Variants in UPK3B observed in about 807,000 individuals in gnomAD.
UPK3B encodes the protein uroplakin-3b.
A neutral mutation model predicts 27.6 loss-of-function variants in UPK3B; 21 were observed. That is an observed-to-expected ratio of 0.76 (90% CI 0.54 to 1.10). The LOEUF (loss-of-function observed/expected upper bound fraction) is 1.10, where lower values mean the gene tolerates loss of function less well. Among genes scored for constraint, UPK3B ranks in the 50% least tolerant of loss-of-function variants. UPK3B has a pLI of 0.00. For missense variants in UPK3B, 306 were observed against 376.1 expected, an observed-to-expected ratio of 0.81 and a Z score of 1.54; for synonymous variants, 141 against 162.3, an observed-to-expected ratio of 0.87 and a Z score of 1.00.
In UPK3B at chr7:76,515,063, G is replaced by T. The variant is rs771497466; in HGVS notation, c.690G>T (p.Pro230=). 2 of 1,589,558 alleles carry T rather than the reference G, an allele frequency of 1.3e-6. No individual in the cohort carries two copies. The highest frequency in any genetic ancestry group is 1.8e-5 in the Admixed American group (1 of 56,032). The part of the protein sequence containing the change: ...STMRFSSLWW[P]EEAPEQLRIG... ...CGCCCAGCTCCAGCCTGTGGTGGCC[G>T]GAGGAGGCCCCGGAGCAGCTGCGGA... The change falls in exon 6 of 6, where the codon CCG becomes CCT. Residue 230 remains proline (P), a synonymous_variant. Coordinates refer to ENST00000334348, the MANE Select transcript of UPK3B (RefSeq NM_001347684.2).
At chr7:76,513,841 A>G (rs1298423666) in intron 4 of UPK3B, 106 bp from the exon 5 acceptor site, 63 of 1,554,582 alleles carry the variant, frequency 4.1e-5, no homozygotes, top group Non-Finnish European at 5.2e-5. Flanking sequence ...TGAGACAGCC[A>G]GACCTTGAAG....
Position 76,511,153 on chromosome 7 carries a change from T to A in UPK3B, c.235+101T>A. The A allele has an allele frequency of 1.2e-5, 16 of 1,297,520 alleles. 1 individual carries two copies. In the South Asian group the frequency reaches 2.5e-4, roughly 20 times the overall value. 80.4% of individuals were successfully genotyped at this position (1,297,520 alleles called of 1,614,324 possible). ...CAAGCGCCTTCAATGATTGAGCCCC[T>A]GTGGGGGCCTTTGGGAGAGTAGGTG... On this transcript the variant is annotated intron_variant, in intron 2 of 5. Transcript: ENST00000334348.
Position 76,515,234 on chromosome 7 carries a change from A to C in UPK3B, c.*30A>C, listed in dbSNP as rs1812696389. On this transcript the variant is annotated 3_prime_UTR_variant, in exon 6 of 6. Transcript: ENST00000334348. ...GCCTCTTTGCATGGGGCTGGGGGAG[A>C]TGGGGCGCTGGGAGTGAGTGCATGG... 1 of 1,583,854 alleles carries C rather than the reference A, an allele frequency of 6.3e-7. No homozygotes were observed. The highest frequency in any genetic ancestry group is 1.8e-5 in the Admixed American group (1 of 55,830).
chr7:76,514,058 C>A lies in UPK3B; in HGVS notation c.653C>A (p.Ala218Glu). ...LAGLLLLAFL[A>E]ASTMRFSSLW... ...GGCCTCCTACTCTTGGCCTTCTTGG[C>A]AGCCTCTACCATGCGCTTGTGAGTG... The change falls in exon 5 of 6, where the codon GCA (alanine) becomes GAA (glutamate). Residue 218 changes from alanine (A) to glutamate (E), a missense_variant. Physicochemically the swap from Ala to Glu is moderately radical, Grantham distance 107. Around this residue, in one of 4 missense-constraint regions of UPK3B, gnomAD observed 174 missense variants for 166.6 expected, o/e 1.04. Transcript: ENST00000334348. 1.9e-6 allele frequency: 3 copies of A among 1,614,058 alleles called. 1 individual carries two copies. In the South Asian group the frequency reaches 3.3e-5, roughly 18 times the overall value.
chr7:76,510,885 T>G lies in UPK3B; in HGVS notation c.86-18T>G, dbSNP rs1432174681. 1 of 1,595,146 alleles carries G rather than the reference T, an allele frequency of 6.3e-7. No homozygotes were observed. Among genetic ancestry groups the G allele is most frequent in the East Asian group, 2.3e-5 (1 of 43,414 alleles). ...ACGCCCGTCTCCGTGGCTCACCTTT[T>G]GTCCCCCGTGGCCACAGAGCTGGTG... On this transcript the variant is annotated intron_variant, in intron 1 of 5. Transcript: ENST00000334348.
intron 4 of UPK3B, 76 bp downstream of exon 4, chr7:76,513,239 A>C: frequency 7.2e-7 from 1 of 1,379,978 alleles, no homozygotes; most frequent in African/African-American, 1.4e-5. Context: ...AGCTGGCCAC[A>C]CCCCTGCTCC....
In UPK3B at chr7:76,516,464, G is replaced by A; in HGVS notation, c.*1260G>A. Reference sequence around the variant, plus strand: ...CAGGCCCTGCCAGCGGAGGGAGCCCGGTGGTGACCCTTGGTCTGCAGCCCT... The same window carrying A: ...CAGGCCCTGCCAGCGGAGGGAGCCCAGTGGTGACCCTTGGTCTGCAGCCCT... On this transcript the variant is annotated 3_prime_UTR_variant, in exon 6 of 6. Coordinates refer to ENST00000334348, the MANE Select transcript of UPK3B (RefSeq NM_001347684.2). The A allele has an allele frequency of 4.9e-6, 3 of 611,924 alleles. 1 individual carries two copies. The highest frequency in any genetic ancestry group is 5.7e-6 in the Non-Finnish European group (3 of 529,920). The allele number at this position is 611,924 out of a possible 1,614,324, so 37.9% of individuals were successfully genotyped here.
rs117509972 is a variant in UPK3B, at chr7:76,510,706, G to A, written c.54G>A (p.Ala18=). The A allele has an allele frequency of 6.9e-3, 10,419 of 1,508,056 alleles. 573 individuals carry two copies. In the East Asian group the frequency reaches 0.13, roughly 19 times the overall value. 93.4% of individuals were successfully genotyped at this position (1,508,056 alleles called of 1,614,324 possible). ...TAGGGCTGCAGATGCTCCTCCTGGCGTTGAACTGTCTCCGGCCCAGCCTGA... is the reference window on the plus strand; with the variant it reads ...TAGGGCTGCAGATGCTCCTCCTGGCATTGAACTGTCTCCGGCCCAGCCTGA... ...PHLGLQMLLL[A]LNCLRPSLSL... is the part of the protein sequence containing the mutation. Residue 18 remains alanine, a synonymous_variant, in exon 1 of 6, where the codon GCG becomes GCA. Transcript: ENST00000334348.
rs1041232784 is a variant in UPK3B at position 76,513,984 on chromosome 7, G to A, written c.579G>A (p.Arg193=). The change falls in exon 5 of 6, where the codon CGG becomes CGA. Residue 193 remains arginine (R), a synonymous_variant. Transcript: ENST00000334348. ...TPGSIDTWPG[R]RSGSMIVITS... Reference sequence around the variant, plus strand: ...GATCCATCGACACCTGGCCAGGGCGGCGAAGTGGCAGCATGATCGTCATTA... The same window carrying A: ...GATCCATCGACACCTGGCCAGGGCGACGAAGTGGCAGCATGATCGTCATTA... 2.5e-6 allele frequency: 4 copies of A among 1,613,864 alleles called. No homozygotes were observed. The African/African-American group carries it at 5.3e-5, about 22-fold the overall frequency.
chr7:76,513,941 G>A lies in UPK3B; in HGVS notation c.542-6G>A, dbSNP rs773861054. On this transcript the variant is annotated splice_region_variant and splice_polypyrimidine_tract_variant and intron_variant, in intron 4 of 5. Transcript: ENST00000334348. ...CAGCCCCTCTGAGCAGCTGGTGTGTGTGCAGGGAAGACCCCCGGATCCATC... is the reference window on the plus strand; with the variant it reads ...CAGCCCCTCTGAGCAGCTGGTGTGTATGCAGGGAAGACCCCCGGATCCATC... The A allele has an allele frequency of 3.7e-5, 60 of 1,613,506 alleles. No individual in the cohort carries two copies. The highest frequency in any genetic ancestry group is 1.6e-4 in the Middle Eastern group (1 of 6,064).
At chr7:76,513,811 CA>C (rs1182670111) in intron 4 of UPK3B, 135 bp from the exon 5 acceptor site, 10 of 1,338,598 alleles carry the variant, frequency 7.5e-6, no homozygotes, top group South Asian at 2.7e-5. Context: ...GGGGTGGGAT[CA>C]GGGGGGCGCC....
Position 76,516,336 on chromosome 7 carries a change from T to A in UPK3B, c.*1132T>A. 2 of 611,992 alleles carry A rather than the reference T, an allele frequency of 3.3e-6. 1 individual carries two copies. The highest frequency in any genetic ancestry group is 3.8e-6 in the Non-Finnish European group (2 of 529,938). The allele number at this position is 611,992 out of a possible 1,614,324, so 37.9% of individuals were successfully genotyped here. On this transcript the variant is annotated 3_prime_UTR_variant, in exon 6 of 6. Coordinates refer to ENST00000334348, the MANE Select transcript of UPK3B (RefSeq NM_001347684.2). ...GCAGCGGTTTTCTAGATGGAGAAAC[T>A]GAGGCTCAGTGACTTGCCCGCTGCA...
chr7:76,511,311 A>G (rs1325157827), intron 2 of UPK3B, among the ~76,000 whole-genome samples: 1 of 152,066 alleles, frequency 6.6e-6, no homozygotes, highest in Non-Finnish European at 1.5e-5. Context: ...CTTTCTCTGA[A>G]TCCAAGTAGT....
At chr7:76,514,762 C>G (rs1198374601) in intron 5 of UPK3B, among the ~76,000 whole-genome samples, 1 of 151,930 alleles carries the variant, frequency 6.6e-6, no homozygotes, top group Non-Finnish European at 1.5e-5. Flanking sequence ...AAAAATTGTC[C>G]GGGTGTGGTG....
At chr7:76,512,160 C>T (rs561284160) in intron 3 of UPK3B, among the ~76,000 whole-genome samples, 233 of 151,064 alleles carry the variant, frequency 1.5e-3, no homozygotes, top group African/African-American at 5.1e-3. Context: ...GGCCCCTGTC[C>T]CCCACCACGG....
At position 76,515,695 on chromosome 7, in the gene UPK3B, G is replaced by A. The variant is rs1328352203; in HGVS notation, c.*491G>A. On this transcript the variant is annotated 3_prime_UTR_variant, in exon 6 of 6. Transcript: ENST00000334348. ...GGCTGGGCGGGGTGAGGATTCAGAGGCATCTCTACTGCCCCTGGGCACAGC... is the reference window on the plus strand; with the variant it reads ...GGCTGGGCGGGGTGAGGATTCAGAGACATCTCTACTGCCCCTGGGCACAGC... The A allele has an allele frequency of 4.2e-5, 26 of 618,474 alleles. 11 individuals are homozygous for A. Among genetic ancestry groups the A allele is most frequent in the Non-Finnish European group, 4.7e-5 (25 of 534,964 alleles). The allele number at this position is 618,474 out of a possible 1,614,324, so 38.3% of individuals were successfully genotyped here.
chr7:76,510,609 GCAGCCAGAC>G lies in UPK3B; in HGVS notation c.-38_-30del. 1 of 1,419,558 alleles carries G rather than the reference GCAGCCAGAC, an allele frequency of 7.0e-7. No individual in the cohort carries two copies. The highest frequency in any genetic ancestry group is 9.3e-7 in the Non-Finnish European group (1 of 1,079,582). 87.9% of individuals were successfully genotyped at this position (1,419,558 alleles called of 1,614,324 possible). The stretch of plus-strand genomic sequence containing the variant: ...TGTTGGGGGTGAGGTGCAGCCCGAA[GCAGCCAGAC>G]CAGCCCCTGAGCCTCCCGGGTGCTG... On this transcript the variant is annotated 5_prime_UTR_variant, in exon 1 of 6. Coordinates refer to ENST00000334348, the MANE Select transcript of UPK3B (RefSeq NM_001347684.2).
At position 76,515,044 on chromosome 7, in the gene UPK3B, G is replaced by C. The variant is rs770168553; in HGVS notation, c.672-1G>C. The C allele has an allele frequency of 4.4e-6, 7 of 1,573,238 alleles. No individual in the cohort carries two copies. The highest frequency in any genetic ancestry group is 1.9e-5 in the Admixed American group (1 of 53,504). ...CTCTTCCTCCTCCTCTCCCCGCCCAGCTCCAGCCTGTGGTGGCCGGAGGAG... is the reference window on the plus strand; with the variant it reads ...CTCTTCCTCCTCCTCTCCCCGCCCACCTCCAGCCTGTGGTGGCCGGAGGAG... On this transcript the variant is annotated splice_acceptor_variant, in intron 5 of 5. Transcript: ENST00000334348. LOFTEE classifies it high-confidence loss of function.
chr7:76,513,483 G>T (rs1377949673), intron 4 of UPK3B, among the ~76,000 whole-genome samples: 4 of 152,162 alleles, frequency 2.6e-5, no homozygotes, highest in African/African-American at 9.7e-5. Flanking sequence ...TCAGGGTCAG[G>T]GTCGGGGCTG....
Sources: gnomAD v4.1 joint callset for allele counts (sites outside exome capture counted in the v4.1 genomes callset) on GRCh38, gnomAD v4.1.1 for gene constraint, gnomAD v4.1.1 regional missense constraint, MANE v1.5 for transcripts, NCBI Gene and HGNC (gene_info 2026-07-23, HGNC 2026-07-21) for gene names.